ARHGAP15: variants seen among roughly 807,000 people sequenced by gnomAD.
ARHGAP15 encodes the protein rho GTPase-activating protein 15.
ARHGAP15 carries 51 observed loss-of-function variants against 63.7 expected under a neutral mutation model. That is an observed-to-expected ratio of 0.80 (90% CI 0.64 to 1.01). The LOEUF (loss-of-function observed/expected upper bound fraction) is 1.01. Among genes scored for constraint, ARHGAP15 ranks in the 50% least tolerant of loss-of-function variants. ARHGAP15 has a pLI of 0.00. For synonymous variants in ARHGAP15, 191 were observed against 193.8 expected, an observed-to-expected ratio of 0.99 and a Z score of 0.12; for missense variants, 560 against 564.6, an observed-to-expected ratio of 0.99 and a Z score of 0.08.
chr2:143,518,581 C>A (rs67995747), intron 9 of ARHGAP15, among the ~76,000 whole-genome samples: 1 of 152,042 alleles, frequency 6.6e-6, no homozygotes, highest in African/African-American at 2.4e-5. Context: ...GATGTGAAAC[C>A]ATTTTGTTCG....
At chr2:143,298,142 G>C (rs1252628114) in intron 6 of ARHGAP15, among the ~76,000 whole-genome samples, 1 of 151,906 alleles carries the variant, frequency 6.6e-6, no homozygotes, top group Non-Finnish European at 1.5e-5. Flanking sequence ...GATAACTAGA[G>C]TTGATTTGTT....
At chr2:143,333,332 G>A (rs1389847967) in intron 6 of ARHGAP15, among the ~76,000 whole-genome samples, 3 of 152,132 alleles carry the variant, frequency 2.0e-5, no homozygotes, top group South Asian at 2.1e-4. Context: ...AAGATGACAC[G>A]TCGGTGAACT....
At chr2:143,491,574 G>C (rs542056426) in intron 9 of ARHGAP15, among the ~76,000 whole-genome samples, 1 of 152,260 alleles carries the variant, frequency 6.6e-6, no homozygotes, top group African/African-American at 2.4e-5. Flanking sequence ...TATAAAACCT[G>C]CTTGAAGAAT....
chr2:143,266,483 G>T (rs1207853913), intron 6 of ARHGAP15, among the ~76,000 whole-genome samples: 2 of 152,136 alleles, frequency 1.3e-5, no homozygotes, highest in African/African-American at 4.8e-5. Flanking sequence ...GTGGTTGGTA[G>T]TTGCCATTGT....
intron 6 of ARHGAP15, among the ~76,000 whole-genome samples, chr2:143,389,484 A>G (rs1192888247): frequency 6.6e-6 from 1 of 152,154 alleles, no homozygotes; most frequent in African/African-American, 2.4e-5. Flanking sequence ...ACATGTCAGC[A>G]TTTTCCCCGG....
chr2:143,350,675 A>AAAG (rs1553467963), intron 6 of ARHGAP15, among the ~76,000 whole-genome samples: 3 of 149,242 alleles, frequency 2.0e-5, no homozygotes, highest in African/African-American at 7.4e-5. Context: ...AAAAAAAAAA[A>AAAG]AAAGAAAGAA....
intron 6 of ARHGAP15, among the ~76,000 whole-genome samples, chr2:143,319,980 G>A (rs1205167803): frequency 1.3e-5 from 2 of 151,024 alleles, no homozygotes; most frequent in African/African-American, 4.8e-5. Context: ...ATCATAAAAA[G>A]TAAACATTTC....
At chr2:143,611,404 G>A (rs185274408) in intron 11 of ARHGAP15, among the ~76,000 whole-genome samples, 18 of 152,220 alleles carry the variant, frequency 1.2e-4, no homozygotes, top group Admixed American at 7.2e-4. Flanking sequence ...GTATGAATTC[G>A]AGCAAGTTAT....
At chr2:143,147,479 C>G (rs1689637502) in intron 1 of ARHGAP15, among the ~76,000 whole-genome samples, 1 of 151,950 alleles carries the variant, frequency 6.6e-6, no homozygotes, top group African/African-American at 2.4e-5. Flanking sequence ...AGAAGATTGC[C>G]ATTTTATAAA....
At chr2:143,489,523 G>A (rs1195958829) in intron 9 of ARHGAP15, among the ~76,000 whole-genome samples, 2 of 151,944 alleles carry the variant, frequency 1.3e-5, no homozygotes, top group Non-Finnish European at 2.9e-5. Flanking sequence ...CTTTTTTTAA[G>A]GCTTTTACTA....
intron 11 of ARHGAP15, among the ~76,000 whole-genome samples, chr2:143,611,720 C>T (rs1233415390): frequency 1.3e-5 from 2 of 152,146 alleles, no homozygotes; most frequent in Admixed American, 1.3e-4. Context: ...AATAGCATCC[C>T]CCAACCAAAC....
chr2:143,404,167 T>A (rs893206726), intron 6 of ARHGAP15, among the ~76,000 whole-genome samples: 4 of 151,966 alleles, frequency 2.6e-5, no homozygotes, highest in Non-Finnish European at 1.5e-5. Flanking sequence ...GGGGTTAGAA[T>A]ATACTGATGA....
chr2:143,664,702 T>A (rs569633494), intron 12 of ARHGAP15, among the ~76,000 whole-genome samples: 3,248 of 151,546 alleles, frequency 0.021, 112 homozygotes, highest in African/African-American at 0.075. Context: ...GAGAGAAGAA[T>A]CAAATAGACA....
At chr2:143,575,244 T>A (rs980608209) in intron 11 of ARHGAP15, among the ~76,000 whole-genome samples, 3 of 152,186 alleles carry the variant, frequency 2.0e-5, no homozygotes, top group Non-Finnish European at 4.4e-5. Context: ...TTTTACTACT[T>A]TTTCAAATTT....
intron 6 of ARHGAP15, among the ~76,000 whole-genome samples, chr2:143,374,093 C>T (rs1686699751): frequency 6.6e-6 from 1 of 152,074 alleles, no homozygotes; most frequent in Non-Finnish European, 1.5e-5. Flanking sequence ...CTGATTTGTA[C>T]TTTTGTTATT....
chr2:143,405,733 C>A (rs868037472), intron 6 of ARHGAP15, among the ~76,000 whole-genome samples: 1 of 151,888 alleles, frequency 6.6e-6, no homozygotes, highest in Non-Finnish European at 1.5e-5. Context: ...TGAACATACA[C>A]TTGACTACAT....
At chr2:143,315,129 T>G (rs907505624) in intron 6 of ARHGAP15, among the ~76,000 whole-genome samples, 2 of 152,196 alleles carry the variant, frequency 1.3e-5, no homozygotes, top group African/African-American at 2.4e-5. Context: ...ACAATTATAT[T>G]TCACTTAATA....
chr2:143,217,860 T>A (rs1692818856), intron 4 of ARHGAP15, among the ~76,000 whole-genome samples: 1 of 152,124 alleles, frequency 6.6e-6, no homozygotes, highest in Admixed American at 6.6e-5. Context: ...AGTAGGAGAA[T>A]AGAGGTGACA....
chr2:143,454,945 GAGACT>G (rs1690575688), intron 8 of ARHGAP15, among the ~76,000 whole-genome samples: 1 of 152,036 alleles, frequency 6.6e-6, no homozygotes. Flanking sequence ...TGGAGTTAAA[GAGACT>G]CCAAATGTTA....
Sources: gnomAD v4.1 joint callset for allele counts (sites outside exome capture counted in the v4.1 genomes callset) on GRCh38, gnomAD v4.1.1 for gene constraint, MANE v1.5 for transcripts, NCBI Gene and HGNC (gene_info 2026-07-23, HGNC 2026-07-21) for gene names.